Variants in ZNF793 observed in about 807,000 individuals in gnomAD.
ZNF793 encodes the protein zinc finger protein 793.
Under a neutral mutation model 12.4 loss-of-function variants are expected in ZNF793, and 5 were observed. The ratio of observed to expected loss-of-function variants is 0.40; its 90% CI spans 0.21 to 0.84. The LOEUF (loss-of-function observed/expected upper bound fraction) is 0.84. Ranked by LOEUF, ZNF793 falls within the 40% of genes least tolerant of loss-of-function variation. ZNF793 has a pLI of 0.35. For missense variants in ZNF793, 456 were observed against 495.0 expected (o/e 0.92, Z 0.75); for synonymous variants, 162 against 172.4 (o/e 0.94, Z 0.47).
chr19:37,510,405 C>T (rs1009095847), intron 2 of ZNF793, among the ~76,000 whole-genome samples: 1 of 149,974 alleles, frequency 6.7e-6, no homozygotes, highest in African/African-American at 2.5e-5. Context: ...ATCCCAACTA[C>T]TTGGGAGGCT....
In ZNF793 at chr19:37,523,396, C is replaced by A. The variant is rs776607736; in HGVS notation, c.-30-14C>A. 6 of 1,605,548 alleles carry A rather than the reference C, an allele frequency of 3.7e-6. No individual in the cohort carries two copies. In the South Asian group the frequency reaches 6.6e-5, roughly 18 times the overall value. On this transcript the variant is annotated splice_polypyrimidine_tract_variant and intron_variant, in intron 4 of 7. Transcript: ENST00000627814. ...TCTCTCTTTCTCCATCTTCTTCCCC[C>A]CACATGTCTACAGGTGTCAGATCTT... is the stretch of plus-strand genomic sequence containing the variant.
rs1311709872 is a variant in ZNF793, at chr19:37,539,483, A to G, written c.*1604A>G. On this transcript the variant is annotated 3_prime_UTR_variant, in exon 8 of 8. Coordinates refer to ENST00000627814, the MANE Select transcript of ZNF793 (RefSeq NM_001013659.3). ...CTAGACACTAAATCCCAAGGTTTTA[A>G]TTATTTCAATGTTTGGAAAGAAGTC... The G allele has an allele frequency of 6.6e-6, 1 of 152,202 alleles. No homozygotes were observed. Among genetic ancestry groups the G allele is most frequent in the Non-Finnish European group, 1.5e-5 (1 of 68,018 alleles). The allele number at this position is 152,202 out of a possible 1,614,324, so 9.4% of individuals were successfully genotyped here.
intron 5 of ZNF793, 40 bp downstream of exon 5, chr19:37,523,494 G>A: frequency 6.3e-7 from 1 of 1,599,214 alleles, no homozygotes; most frequent in Non-Finnish European, 8.6e-7. Context: ...CCTTCCTGGG[G>A]AAACTGTCCT....
intron 5 of ZNF793, among the ~76,000 whole-genome samples, chr19:37,524,847 T>C (rs2042401394): frequency 6.6e-6 from 1 of 152,164 alleles, no homozygotes; most frequent in Non-Finnish European, 1.5e-5. Context: ...ATGAAAAACA[T>C]TGATAGTGAT....
At chr19:37,534,502 A>T (rs906617066) in intron 7 of ZNF793, 1 of 151,654 alleles carries the variant, frequency 6.6e-6, no homozygotes, top group Non-Finnish European at 1.5e-5. Context: ...TCACACTCAC[A>T]CACACACACA....
Position 37,537,975 on chromosome 19 carries a change from G to A in ZNF793, c.*96G>A, listed in dbSNP as rs963378075. ...CACCCAGGCTGGAGTGCAGTGGCGC[G>A]ATCTCGGCTTACTGCAAGCTCTGCC... On this transcript the variant is annotated 3_prime_UTR_variant, in exon 8 of 8. Transcript: ENST00000627814. 32 of 1,367,272 alleles carry A rather than the reference G, an allele frequency of 2.3e-5. No individual in the cohort carries two copies. The highest frequency in any genetic ancestry group is 2.4e-4 in the Middle Eastern group (1 of 4,106). 84.7% of individuals were successfully genotyped at this position (1,367,272 alleles called of 1,614,324 possible). A position where few individuals can be genotyped will look rare whatever the true frequency, so the allele number is the denominator to read the frequency against.
Position 37,539,803 on chromosome 19 carries a change from A to G in ZNF793, c.*1924A>G, listed in dbSNP as rs112070049. 4.6e-3 allele frequency: 697 copies of G among 152,326 alleles called. 3 individuals are homozygous for G. The highest frequency in any genetic ancestry group is 0.016 in the African/African-American group (673 of 41,580). 9.4% of individuals were successfully genotyped at this position (152,326 alleles called of 1,614,324 possible). A position where few individuals can be genotyped will look rare whatever the true frequency, so the allele number is the denominator to read the frequency against. The stretch of plus-strand genomic sequence containing the variant: ...TAACATTGAAAAACTCAAAAAAGCT[A>G]TTAAAGATCTATAATGGGAAAATGC... On this transcript the variant is annotated 3_prime_UTR_variant, in exon 8 of 8. Coordinates refer to ENST00000627814, the MANE Select transcript of ZNF793 (RefSeq NM_001013659.3).
rs763801764 is a variant in ZNF793, at chr19:37,537,348, T to C, written c.690T>C (p.Ser230=). The change falls in exon 8 of 8, where the codon AGT becomes AGC. Residue 230 remains serine, a synonymous_variant. Coordinates refer to ENST00000627814, the MANE Select transcript of ZNF793 (RefSeq NM_001013659.3). ...VPPTEKPHVC[S]ECGKAFCYKS... ...CTACAGAAAAACCCCACGTCTGTAGTGAGTGTGGGAAAGCCTTCTGCTACA... is the reference window on the plus strand; with the variant it reads ...CTACAGAAAAACCCCACGTCTGTAGCGAGTGTGGGAAAGCCTTCTGCTACA... The C allele has an allele frequency of 6.8e-6, 11 of 1,613,098 alleles. No homozygotes were observed. Among genetic ancestry groups the C allele is most frequent in the Non-Finnish European group, 8.5e-6 (10 of 1,179,536 alleles).
chr19:37,517,907 A>G (rs1250914950), intron 2 of ZNF793, among the ~76,000 whole-genome samples: 5 of 152,168 alleles, frequency 3.3e-5, no homozygotes, highest in African/African-American at 1.2e-4. Context: ...TTATGAGGCT[A>G]TTGGAAAAGT....
intron 4 of ZNF793, among the ~76,000 whole-genome samples, chr19:37,523,156 G>A (rs2042388327): frequency 6.6e-6 from 1 of 152,008 alleles, no homozygotes; most frequent in Admixed American, 6.6e-5. Context: ...TGGGTAGCTG[G>A]GACTATAGGT....
intron 5 of ZNF793, among the ~76,000 whole-genome samples, chr19:37,529,748 C>A (rs1369562497): frequency 6.6e-6 from 1 of 152,178 alleles, no homozygotes; most frequent in Non-Finnish European, 1.5e-5. Flanking sequence ...CTGCCTCAGC[C>A]TCCTGAAGTG....
At position 37,538,096 on chromosome 19, in the gene ZNF793, T is replaced by G; in HGVS notation, c.*217T>G. The G allele has an allele frequency of 2.2e-6, 1 of 462,976 alleles. No individual in the cohort carries two copies. The highest frequency in any genetic ancestry group is 3.8e-6 in the Non-Finnish European group (1 of 263,248). 28.7% of individuals were successfully genotyped at this position (462,976 alleles called of 1,614,324 possible). On this transcript the variant is annotated 3_prime_UTR_variant, in exon 8 of 8. Coordinates refer to ENST00000627814, the MANE Select transcript of ZNF793 (RefSeq NM_001013659.3). The stretch of plus-strand genomic sequence containing the variant: ...CCGGCTAATTTTTTTTTTGTATTTT[T>G]AGTAGAGACGGGGTTTCACCGTGTT...
chr19:37,537,669 A>G lies in ZNF793; in HGVS notation c.1011A>G (p.Arg337=), dbSNP rs370145278. The G allele has an allele frequency of 2.5e-6, 4 of 1,613,498 alleles. No individual in the cohort carries two copies. The African/African-American group carries it at 4.0e-5, about 16-fold the overall frequency. Residue 337 remains arginine, a synonymous_variant, in exon 8 of 8, where the codon AGA becomes AGG. Coordinates refer to ENST00000627814, the MANE Select transcript of ZNF793 (RefSeq NM_001013659.3). ...ATCGAAAAATGCACACAGGAGAAAGACCGTATCGTTGCAGAGAATGTGGAA... is the reference window on the plus strand; with the variant it reads ...ATCGAAAAATGCACACAGGAGAAAGGCCGTATCGTTGCAGAGAATGTGGAA... ...NVHRKMHTGE[R]PYRCRECGKS... is the part of the protein sequence containing the mutation.
At chr19:37,534,050 C>T (rs1448238291) in intron 7 of ZNF793, 1 of 152,912 alleles carries the variant, frequency 6.5e-6, no homozygotes, top group Non-Finnish European at 1.5e-5. Context: ...CTGTGCTCTT[C>T]AGCTGTCCTG....
intron 3 of ZNF793, among the ~76,000 whole-genome samples, chr19:37,521,783 CA>C (rs1194540591): frequency 6.6e-6 from 1 of 150,750 alleles, no homozygotes; most frequent in African/African-American, 2.4e-5. Flanking sequence ...AATTTTTTTC[CA>C]AAAAAAAGCA....
At position 37,537,590 on chromosome 19, in the gene ZNF793, T is replaced by C. The variant is rs2042517767; in HGVS notation, c.932T>C (p.Phe311Ser). The change falls in exon 8 of 8, where the codon TTT becomes TCT. Residue 311 changes from phenylalanine to serine, a missense_variant. Phe to Ser is a radical substitution (Grantham distance 155). Transcript: ENST00000627814. ...HQRTHTGERP[F>S]VCSECGKSFG... is the part of the protein sequence containing the mutation. Reference sequence around the variant, plus strand: ...AGAACACACACAGGAGAGAGACCCTTTGTCTGCAGTGAATGCGGGAAATCG... The same window carrying C: ...AGAACACACACAGGAGAGAGACCCTCTGTCTGCAGTGAATGCGGGAAATCG... 1 of 1,613,948 alleles carries C rather than the reference T, an allele frequency of 6.2e-7. No individual in the cohort carries two copies. The highest frequency in any genetic ancestry group is 1.3e-5 in the African/African-American group (1 of 74,890).
intron 4 of ZNF793, among the ~76,000 whole-genome samples, chr19:37,522,873 T>C (rs1486686397): frequency 6.6e-6 from 1 of 152,208 alleles, no homozygotes; most frequent in Non-Finnish European, 1.5e-5. Context: ...AAGTTACTTC[T>C]TTTCCTTTTA....
At chr19:37,519,084 G>A (rs1324906862) in intron 2 of ZNF793, among the ~76,000 whole-genome samples, 1 of 152,084 alleles carries the variant, frequency 6.6e-6, no homozygotes, top group Non-Finnish European at 1.5e-5. Context: ...GGCTAACGCG[G>A]TGAAACCCTG....
chr19:37,537,468 CA>C lies in ZNF793; in HGVS notation c.811del (p.Ile271SerfsTer10). 6.2e-7 allele frequency: 1 copy of C among 1,613,950 alleles called. No individual in the cohort carries two copies. Among genetic ancestry groups the C allele is most frequent in the Non-Finnish European group, 8.5e-7 (1 of 1,179,880 alleles). On this transcript the variant is annotated frameshift_variant, in exon 8 of 8. Transcript: ENST00000627814. LOFTEE classifies it low-confidence loss of function (END_TRUNC). The part of the protein sequence containing the change: ...GKAFSHKSTL[I>X]KHQRIHTGVR... The stretch of plus-strand genomic sequence containing the variant: ...AAGCCTTTTCACATAAGTCAACCCT[CA>C]TCAAACACCAGAGAATTCACACTGG...
Sources: allele counts gnomAD v4.1 joint callset (sites outside exome capture counted in the v4.1 genomes callset), GRCh38; gene constraint gnomAD v4.1.1; transcripts MANE v1.5; gene names NCBI Gene and HGNC (gene_info 2026-07-23, HGNC 2026-07-21).